The following PWWP2B variants were observed in gnomAD, a reference collection of about 807,000 sequenced individuals.
PWWP2B encodes PWWP domain-containing protein 2B.
PWWP2B carries 9 observed loss-of-function variants against 15.5 expected under a neutral mutation model. The observed-to-expected ratio is 0.58, with a 90% CI of 0.35 to 1.02. The LOEUF is 1.02. Among genes scored for constraint, PWWP2B ranks in the 50% least tolerant of loss-of-function variants. The probability of loss-of-function intolerance (pLI) is 0.02; values close to 1 mark genes in which losing one functional copy is unlikely to be tolerated. For missense variants in PWWP2B, 864 were observed against 865.3 expected, an observed-to-expected ratio of 1.00 and a Z score of 0.02; for synonymous variants, 474 against 403.6, an observed-to-expected ratio of 1.17 and a Z score of -2.09.
intron 2 of PWWP2B, among the ~76,000 whole-genome samples, chr10:132,407,418 C>CT (rs2069714685): frequency 6.6e-6 from 1 of 152,244 alleles, no homozygotes; most frequent in Non-Finnish European, 1.5e-5. Context: ...GTGACCTTGT[C>CT]TTCCCTGGCC....
chr10:132,411,782 C>T (rs1318735607), intron 2 of PWWP2B, among the ~76,000 whole-genome samples: 1 of 152,254 alleles, frequency 6.6e-6, no homozygotes, highest in Non-Finnish European at 1.5e-5. Context: ...ACGCCGCCGT[C>T]TCCAGGCTTC....
rs760243459 is a variant in PWWP2B at position 132,405,414 on chromosome 10, C to T, written c.914C>T (p.Pro305Leu). 9.9e-6 allele frequency: 16 copies of T among 1,610,790 alleles called. No individual in the cohort carries two copies. The South Asian group carries it at 1.5e-4, about 15-fold the overall frequency. The change falls in exon 2 of 3, where the codon CCG becomes CTG. Residue 305 changes from proline (P) to leucine (L), a missense_variant. Transcript: ENST00000305233. Reference protein sequence around the residue: ...EVLDRESRDRPSCAPSASIPK... With the variant: ...EVLDRESRDRLSCAPSASIPK... ...CTGGACAGAGAGTCCCGGGACCGGCCGTCCTGCGCGCCCTCGGCCTCCATC... is the reference window on the plus strand; with the variant it reads ...CTGGACAGAGAGTCCCGGGACCGGCTGTCCTGCGCGCCCTCGGCCTCCATC...
Position 132,417,174 on chromosome 10 carries a change from T to G in PWWP2B, c.*130T>G. The G allele has an allele frequency of 7.1e-7, 1 of 1,407,256 alleles. No individual in the cohort carries two copies. Among genetic ancestry groups the G allele is most frequent in the East Asian group, 2.3e-5 (1 of 43,838 alleles). 87.2% of individuals were successfully genotyped at this position (1,407,256 alleles called of 1,614,324 possible). A position where few individuals can be genotyped will look rare whatever the true frequency, so the allele number is the denominator to read the frequency against. On this transcript the variant is annotated 3_prime_UTR_variant, in exon 3 of 3. Transcript: ENST00000305233. ...AGCCCACTGGGCACGGTGGTCGGCC[T>G]GGTGTGAGGCCCCCCGGGGACCGGC...
At chr10:132,399,923 C>G (rs1303455811) in intron 1 of PWWP2B, among the ~76,000 whole-genome samples, 1 of 152,214 alleles carries the variant, frequency 6.6e-6, no homozygotes, top group Non-Finnish European at 1.5e-5. Context: ...TATCGGCCTC[C>G]CCCAGTTGTG....
chr10:132,398,936 G>A (rs555585153), intron 1 of PWWP2B, among the ~76,000 whole-genome samples: 215 of 111,108 alleles, frequency 1.9e-3, no homozygotes, highest in Non-Finnish European at 3.1e-3. Context: ...CAGTCCTGAG[G>A]CTTGTCCTGG....
rs2069659991 is a variant in PWWP2B, at chr10:132,404,748, G to T, written c.248G>T (p.Ser83Ile). The change falls in exon 2 of 3, where the codon AGC becomes ATC. Residue 83 changes from serine to isoleucine, a missense_variant. This residue lies in a region of PWWP2B where 736 missense variants were observed against 687.7 expected (regional missense o/e 1.07). Coordinates refer to ENST00000305233, the MANE Select transcript of PWWP2B (RefSeq NM_138499.4). ...GDAEVMQLGS[S>I]SPPPARGVQP... ...GCAGAGGTGATGCAGCTGGGGTCCA[G>T]CTCCCCCCCTCCTGCCCGCGGGGTT... 1.9e-6 allele frequency: 3 copies of T among 1,601,308 alleles called. No individual in the cohort carries two copies. The East Asian group carries it at 6.7e-5, about 36-fold the overall frequency.
At chr10:132,397,845 T>C (rs774590341) in intron 1 of PWWP2B, among the ~76,000 whole-genome samples, 5 of 152,166 alleles carry the variant, frequency 3.3e-5, no homozygotes, top group African/African-American at 4.8e-5. Flanking sequence ...TGCGCCCAGC[T>C]GTGCGATTTA....
rs539743396 is a variant in PWWP2B, at chr10:132,411,336, G to A, written c.*16+5047G>A. ...ATAGCGCGGGAGGGGCCGCTCATCTGGAAACCCTTTAATCACAACGCAAAC... is the reference window on the plus strand; with the variant it reads ...ATAGCGCGGGAGGGGCCGCTCATCTAGAAACCCTTTAATCACAACGCAAAC... On this transcript the variant is annotated intron_variant, in intron 2 of 2. Transcript: ENST00000305233. 2.9e-4 allele frequency among the ~76,000 whole-genome samples: 44 copies of A among 152,360 alleles called. No homozygotes were observed. In the South Asian group the frequency reaches 7.4e-3, roughly 26 times the overall value.
chr10:132,404,508 T>C, intron 1 of PWWP2B, 118 bp from the exon 2 acceptor site: 1 of 828,502 alleles, frequency 1.2e-6, no homozygotes. Context: ...ACTCAGGGCA[T>C]GGCTCGCTGC....
At chr10:132,416,126 C>T (rs370300279) in intron 2 of PWWP2B, among the ~76,000 whole-genome samples, 30 of 152,280 alleles carry the variant, frequency 2.0e-4, no homozygotes, top group Admixed American at 1.4e-3. Context: ...GGCCTCTCCG[C>T]GGGGCCGGGA....
intron 1 of PWWP2B, 121 bp downstream of exon 1, chr10:132,397,472 G>T: frequency 1.4e-5 from 14 of 1,006,626 alleles, no homozygotes; most frequent in Non-Finnish European, 1.7e-5. Flanking sequence ...CCCGCTTTCG[G>T]TTTCTGCCGA....
chr10:132,398,489 C>T (rs1463688425), intron 1 of PWWP2B, among the ~76,000 whole-genome samples: 1 of 152,242 alleles, frequency 6.6e-6, no homozygotes, highest in Non-Finnish European at 1.5e-5. Context: ...TGGGCTTGGT[C>T]CTGGTCAGCA....
Position 132,406,130 on chromosome 10 carries a change from C to G in PWWP2B, c.1630C>G (p.Leu544Val). 2 of 1,613,752 alleles carry G rather than the reference C, an allele frequency of 1.2e-6. No individual in the cohort carries two copies. The highest frequency in any genetic ancestry group is 1.7e-6 in the Non-Finnish European group (2 of 1,180,002). ...TACGTCGTTCTTGTCTATTTCAAAA[C>G]TCTCCCCTTTCTCTGAATTTTTCAA... Reference protein sequence around the residue: ...PTTSFLSISKLSPFSEFFKLR... With the variant: ...PTTSFLSISKVSPFSEFFKLR... Residue 544 changes from leucine to valine, a missense_variant, in exon 2 of 3, where the codon CTC (leucine) becomes GTC (valine). By Grantham distance (32) the Leu-to-Val change is conservative. Around this residue, in one of 2 missense-constraint regions of PWWP2B, gnomAD observed 128 missense variants for 177.6 expected, o/e 0.72. Coordinates refer to ENST00000305233, the MANE Select transcript of PWWP2B (RefSeq NM_138499.4).
intron 1 of PWWP2B, among the ~76,000 whole-genome samples, chr10:132,404,018 C>CAGGACGGCATTCTTCTGGGCTCCCGT (rs2069646963): frequency 2.9e-5 from 2 of 68,134 alleles, no homozygotes; most frequent in African/African-American, 1.4e-4. Flanking sequence ...AGGGCTCCTG[C>CAGGACGGCATTCTTCTGGGCTCCCGT]AGGACGGCAT....
intron 1 of PWWP2B, among the ~76,000 whole-genome samples, chr10:132,400,051 G>A (rs928264559): frequency 1.8e-4 from 28 of 152,312 alleles, no homozygotes; most frequent in South Asian, 6.2e-4. Context: ...TGCCTGTCCC[G>A]GCAGAAGGGC....
At position 132,416,995 on chromosome 10, in the gene PWWP2B, T is replaced by C. The variant is rs2069867225; in HGVS notation, c.*17-66T>C. 6 of 1,587,682 alleles carry C rather than the reference T, an allele frequency of 3.8e-6. No individual in the cohort carries two copies. The East Asian group carries it at 1.3e-4, about 36-fold the overall frequency. ...GGCACCCTGACCTGCTGCTCAGACCTTGAGGGGCTGGTCCCCCATACTCGA... is the reference window on the plus strand; with the variant it reads ...GGCACCCTGACCTGCTGCTCAGACCCTGAGGGGCTGGTCCCCCATACTCGA... On this transcript the variant is annotated intron_variant, in intron 2 of 2. Coordinates refer to ENST00000305233, the MANE Select transcript of PWWP2B (RefSeq NM_138499.4).
chr10:132,404,518 C>T, intron 1 of PWWP2B, 108 bp from the exon 2 acceptor site: 2 of 950,050 alleles, frequency 2.1e-6, no homozygotes, highest in African/African-American at 1.6e-5. Context: ...TGGCTCGCTG[C>T]CCAGACCTGC....
chr10:132,401,343 G>T (rs1182470303), intron 1 of PWWP2B, among the ~76,000 whole-genome samples: 1 of 152,092 alleles, frequency 6.6e-6, no homozygotes, highest in Non-Finnish European at 1.5e-5. Context: ...TCGCAAGGAT[G>T]TCGCGTGAGG....
rs780435205 is a variant in PWWP2B, at chr10:132,405,704, G to A, written c.1204G>A (p.Glu402Lys). Residue 402 changes from glutamate to lysine, a missense_variant, in exon 2 of 3, where the codon GAG (glutamate) becomes AAG (lysine). By Grantham distance (56) the Glu-to-Lys change is moderately conservative (BLOSUM62 1). Transcript: ENST00000305233. Reference sequence around the variant, plus strand: ...CTGTCCCCAGGGTCCACAGGGACGCGAGGGCTTGGCTTTTCTCGTCAGCTG... The same window carrying A: ...CTGTCCCCAGGGTCCACAGGGACGCAAGGGCTTGGCTTTTCTCGTCAGCTG... ...KSCPQGPQGR[E>K]GLAFLVSCPE... 1.2e-5 allele frequency: 19 copies of A among 1,611,754 alleles called. No individual in the cohort carries two copies. Among genetic ancestry groups the A allele is most frequent in the Admixed American group, 6.7e-5 (4 of 60,008 alleles).
Sources: allele counts gnomAD v4.1 joint callset (sites outside exome capture counted in the v4.1 genomes callset), GRCh38; gene constraint gnomAD v4.1.1; regional missense constraint gnomAD v4.1.1; transcripts MANE v1.5; gene names NCBI Gene and HGNC (gene_info 2026-07-23, HGNC 2026-07-21).